Variants in TRIM26 observed in about 807,000 individuals in gnomAD.
TRIM26 encodes the protein tripartite motif containing 26.
Under a neutral mutation model 45.5 loss-of-function variants are expected in TRIM26, and 16 were observed. That is an observed-to-expected ratio of 0.35 (90% CI 0.24 to 0.53). TRIM26 has a LOEUF of 0.53. Among genes scored for constraint, TRIM26 ranks in the 20% least tolerant of loss-of-function variants. The pLI is 0.92. For synonymous variants in TRIM26, 273 were observed against 290.4 expected (o/e 0.94, Z 0.61); for missense variants, 442 against 691.1 (o/e 0.64, Z 4.04).
chr6:30,189,644 TC>T lies in TRIM26; in HGVS notation c.789-112del. The T allele has an allele frequency of 1.0e-6, 1 of 953,316 alleles. No individual in the cohort carries two copies. The highest frequency in any genetic ancestry group is 2.5e-5 in the East Asian group (1 of 40,588). The allele number at this position is 953,316 out of a possible 1,614,324, so 59.1% of individuals were successfully genotyped here. A position where few individuals can be genotyped will look rare whatever the true frequency, so the allele number is the denominator to read the frequency against. On this transcript the variant is annotated intron_variant, in intron 7 of 9. Transcript: ENST00000454678. The surrounding 1 kb of genome is among the most constrained non-coding windows in gnomAD (Gnocchi z 5.0). ...GAAGGGGAGAGGAAAGGTATGATTA[TC>T]CCCAAACAAGTGACAGAAAAACAGT...
chr6:30,186,416 G>T lies in TRIM26; in HGVS notation c.1080C>A (p.Ser360Arg). 6.2e-7 allele frequency: 1 copy of T among 1,610,428 alleles called. No homozygotes were observed. Among genetic ancestry groups the T allele is most frequent in the Non-Finnish European group, 8.5e-7 (1 of 1,178,528 alleles). Residue 360 changes from serine (S) to arginine (R), a missense_variant, in exon 10 of 10, where the codon AGC becomes AGA. By Grantham distance (110) the Ser-to-Arg change is moderately radical. Transcript: ENST00000454678. This position sits in a 1 kb window ranked among gnomAD's most constrained non-coding sequence, Gnocchi z 7.4. The part of the protein sequence containing the change: ...QFDCEPGVLG[S>R]KGFTWGKVYW... Reference sequence around the variant, plus strand: ...AGACCTTGCCCCAGGTGAAGCCCTTGCTGCCTAGCACCCCAGGCTCACAGT... The same window carrying T: ...AGACCTTGCCCCAGGTGAAGCCCTTTCTGCCTAGCACCCCAGGCTCACAGT...
intron 2 of TRIM26, among the ~76,000 whole-genome samples, chr6:30,203,436 G>A (rs920141995): frequency 6.6e-6 from 1 of 151,850 alleles, no homozygotes; most frequent in African/African-American, 2.4e-5. Context: ...TTATTTTTGA[G>A]ATGGAGTTTT....
In TRIM26 at chr6:30,198,408, T is replaced by C. The variant is rs771702745; in HGVS notation, c.534+21A>G. 1 of 1,612,736 alleles carries C rather than the reference T, an allele frequency of 6.2e-7. No homozygotes were observed. The highest frequency in any genetic ancestry group is 1.1e-5 in the South Asian group (1 of 91,066). ...TACACGGGCGCACCGCCTCAGGGCT[T>C]CCTGAAACAGCCTCACTTACCAGCG... On this transcript the variant is annotated intron_variant, in intron 5 of 9. Coordinates refer to ENST00000454678, the MANE Select transcript of TRIM26 (RefSeq NM_003449.5). The surrounding 1 kb of genome is among the most constrained non-coding windows in gnomAD (Gnocchi z 6.3).
intron 6 of TRIM26, among the ~76,000 whole-genome samples, chr6:30,192,149 G>A (rs1000036075): frequency 7.2e-5 from 11 of 152,294 alleles, no homozygotes; most frequent in East Asian, 1.9e-4. Context: ...GAAGTGATCC[G>A]CCCAAGTCTC....
rs1776724943 is a variant in TRIM26 at position 30,198,455 on chromosome 6, C to T, written c.508G>A (p.Gly170Arg). The T allele has an allele frequency of 6.2e-7, 1 of 1,613,094 alleles. No homozygotes were observed. The highest frequency in any genetic ancestry group is 8.5e-7 in the Non-Finnish European group (1 of 1,180,030). ...RDKIQGFQAK[G>R]EADILAALKK... is the part of the protein sequence containing the mutation. ...AGCGCGGCCAGGATATCAGCTTCTC[C>T]CTTTGCCTGGAAGCCCTGAATTTTG... The change falls in exon 5 of 10, where the codon GGA becomes AGA. Residue 170 changes from glycine to arginine, a missense_variant. By Grantham distance (125) the Gly-to-Arg change is moderately radical. Coordinates refer to ENST00000454678, the MANE Select transcript of TRIM26 (RefSeq NM_003449.5). The surrounding 1 kb of genome is among the most constrained non-coding windows in gnomAD (Gnocchi z 6.3).
chr6:30,193,160 G>GTATATATATATATATATATA (rs1343167817), intron 6 of TRIM26, among the ~76,000 whole-genome samples: 1 of 33,170 alleles, frequency 3.0e-5, no homozygotes, highest in Non-Finnish European at 4.8e-5. Flanking sequence ...GTGTGTGTGT[G>GTATATATATATATATATATA]TGTATATATA....
intron 9 of TRIM26, chr6:30,187,588 G>A (rs1775319701): frequency 1.2e-5 from 5 of 421,958 alleles, no homozygotes; most frequent in Non-Finnish European, 2.4e-5. Context: ...CTAACTGTCA[G>A]ATGATGTCAG....
chr6:30,199,348 AC>A (rs1351684261), intron 3 of TRIM26, 84 bp from the exon 4 acceptor site: 16 of 425,572 alleles, frequency 3.8e-5, no homozygotes, highest in Non-Finnish European at 5.0e-5. Context: ...GGATATGGAA[AC>A]CCAGAAAGAT....
At chr6:30,188,473 T>C in intron 9 of TRIM26, 1 of 273,626 alleles carries the variant, frequency 3.7e-6, no homozygotes, top group Non-Finnish European at 7.4e-6. Flanking sequence ...TAGGTAAAAT[T>C]TGACGGTATT....
chr6:30,195,923 T>C (rs1173722658), intron 6 of TRIM26, among the ~76,000 whole-genome samples: 1 of 152,158 alleles, frequency 6.6e-6, no homozygotes, highest in Non-Finnish European at 1.5e-5. Context: ...AGCCAGTTCT[T>C]CAGCCCCAAA....
chr6:30,206,700 C>T lies in TRIM26; in HGVS notation c.-375-1935G>A, dbSNP rs17188240. On this transcript the variant is annotated intron_variant, in intron 1 of 9. Coordinates refer to ENST00000454678, the MANE Select transcript of TRIM26 (RefSeq NM_003449.5). ...CTTGACTACACATCAGATTTGTAGT[C>T]TTCAAACTGGTGAGTCTTCAAAACA... 5.9e-3 allele frequency among the ~76,000 whole-genome samples: 895 copies of T among 152,330 alleles called. 7 individuals carry two copies. The highest frequency in any genetic ancestry group is 0.019 in the African/African-American group (810 of 41,566).
chr6:30,190,132 T>A lies in TRIM26; in HGVS notation c.766-97A>T. 7.4e-7 allele frequency: 1 copy of A among 1,351,198 alleles called. No individual in the cohort carries two copies. The highest frequency in any genetic ancestry group is 1.2e-5 in the South Asian group (1 of 82,840). The allele number at this position is 1,351,198 out of a possible 1,614,324, so 83.7% of individuals were successfully genotyped here. Reference sequence around the variant, plus strand: ...CTGTAGCAGAGATGGGACATATCAGTGAACAAAACAAATGTGGTCCCTTTT... The same window carrying A: ...CTGTAGCAGAGATGGGACATATCAGAGAACAAAACAAATGTGGTCCCTTTT... On this transcript the variant is annotated intron_variant, in intron 6 of 9. Transcript: ENST00000454678. This position sits in a 1 kb window ranked among gnomAD's most constrained non-coding sequence, Gnocchi z 4.3.
At chr6:30,193,181 TA>T (rs66524920) in intron 6 of TRIM26, among the ~76,000 whole-genome samples, 32 of 64,158 alleles carry the variant, frequency 5.0e-4, no homozygotes, top group African/African-American at 1.3e-3. Context: ...TATATATATA[TA>T]TTTTTTTTTT....
Position 30,189,620 on chromosome 6 carries a change from A to G in TRIM26, c.789-87T>C. The G allele has an allele frequency of 1.7e-6, 2 of 1,164,270 alleles. No homozygotes were observed. The highest frequency in any genetic ancestry group is 2.5e-6 in the Non-Finnish European group (2 of 785,906). 72.1% of individuals were successfully genotyped at this position (1,164,270 alleles called of 1,614,324 possible). A position where few individuals can be genotyped will look rare whatever the true frequency, so the allele number is the denominator to read the frequency against. ...TCTCTCAATCCTCATGGCAATTATG[A>G]AGGGGAGAGGAAAGGTATGATTATC... is the stretch of plus-strand genomic sequence containing the variant. On this transcript the variant is annotated intron_variant, in intron 7 of 9. Coordinates refer to ENST00000454678, the MANE Select transcript of TRIM26 (RefSeq NM_003449.5). This position sits in a 1 kb window ranked among gnomAD's most constrained non-coding sequence, Gnocchi z 5.0.
At chr6:30,187,947 C>T (rs1268777385) in intron 9 of TRIM26, among the ~76,000 whole-genome samples, 3 of 135,324 alleles carry the variant, frequency 2.2e-5, no homozygotes, top group African/African-American at 5.7e-5. Flanking sequence ...AGGCCGGGCG[C>T]GGTGGCTCAC....
intron 6 of TRIM26, among the ~76,000 whole-genome samples, chr6:30,195,032 A>G (rs4711211): frequency 0.17 from 26,197 of 152,114 alleles, 2,875 homozygotes; most frequent in Non-Finnish European, 0.23. Flanking sequence ...TCAAGCTGAC[A>G]CCATTTTCTC....
At position 30,189,209 on chromosome 6, in the gene TRIM26, A is replaced by G; in HGVS notation, c.905-10T>C. 2 of 1,613,050 alleles carry G rather than the reference A, an allele frequency of 1.2e-6. No homozygotes were observed. The highest frequency in any genetic ancestry group is 1.7e-6 in the Non-Finnish European group (2 of 1,180,024). ...TCTCTCAGCAGCTTCCCTGGGGAGA[A>G]AAAAGGACAGCAATGACTCAAGTCC... On this transcript the variant is annotated splice_polypyrimidine_tract_variant and intron_variant, in intron 8 of 9. Coordinates refer to ENST00000454678, the MANE Select transcript of TRIM26 (RefSeq NM_003449.5). This position sits in a 1 kb window ranked among gnomAD's most constrained non-coding sequence, Gnocchi z 5.0.
intron 3 of TRIM26, among the ~76,000 whole-genome samples, chr6:30,200,139 C>CAG (rs889606148): frequency 1.3e-5 from 2 of 152,052 alleles, no homozygotes; most frequent in Non-Finnish European, 2.9e-5. Flanking sequence ...TAAAATACCC[C>CAG]AGTGTAGTAG....
chr6:30,186,308 CTCCTCCTCTTCTCCCTCT>C lies in TRIM26; in HGVS notation c.1170_1187del (p.Gly392_Glu397del). 6.2e-7 allele frequency: 1 copy of C among 1,610,364 alleles called. No individual in the cohort carries two copies. Among genetic ancestry groups the C allele is most frequent in the Non-Finnish European group, 8.5e-7 (1 of 1,177,552 alleles). On this transcript the variant is annotated inframe_deletion, in exon 10 of 10. Coordinates refer to ENST00000454678, the MANE Select transcript of TRIM26 (RefSeq NM_003449.5). The surrounding 1 kb of genome is among the most constrained non-coding windows in gnomAD (Gnocchi z 7.4). The stretch of plus-strand genomic sequence containing the variant: ...CCCCATAGCCGGCCTCCTCTTCCTC[CTCCTCCTCTTCTCCCTCT>C]TCCTCCTCATCCCCCTCTTCTTCAT...
Sources: gnomAD v4.1 joint callset for allele counts (sites outside exome capture counted in the v4.1 genomes callset) on GRCh38, gnomAD v4.1.1 for gene constraint, Gnocchi (gnomAD v3.1) non-coding constraint, MANE v1.5 for transcripts, NCBI Gene and HGNC (gene_info 2026-07-23, HGNC 2026-07-21) for gene names.